Variants in ATF7 observed in about 807,000 individuals in gnomAD.
ATF7 encodes activating transcription factor 7, also known as cyclic AMP-dependent transcription factor ATF-7.
In ATF7, 10 loss-of-function variants were observed where a neutral mutation model predicts 50.4. That is an observed-to-expected ratio of 0.20 (90% CI 0.12 to 0.34). The LOEUF is 0.34. Ranked by LOEUF, ATF7 falls within the 10% of genes least tolerant of loss-of-function variation. The pLI, the probability that ATF7 is intolerant of heterozygous loss-of-function variation, is 1.00. For missense variants in ATF7, 465 were observed against 613.9 expected (o/e 0.76, Z 2.56); for synonymous variants, 201 against 226.4 (o/e 0.89, Z 1.01).
chr12:53,610,379 A>C (rs1397461387), intron 1 of ATF7, among the ~76,000 whole-genome samples: 1 of 151,864 alleles, frequency 6.6e-6, no homozygotes, highest in African/African-American at 2.4e-5. Context: ...AGTCTGGCTA[A>C]CATGGTGAAA....
Position 53,618,380 on chromosome 12 carries a change from T to C in ATF7, c.-22+7899A>G, listed in dbSNP as rs115195706. On this transcript the variant is annotated intron_variant, in intron 1 of 11. Transcript: ENST00000420353. ...GAAGGTATCAAAAGAAAATGCATTG[T>C]TTCCCTGCCTAGTAGCATGCTAATT... Among the ~76,000 whole-genome samples, 685 of 152,314 alleles carry C rather than the reference T, an allele frequency of 4.5e-3. 4 individuals carry two copies. Among genetic ancestry groups the C allele is most frequent in the African/African-American group, 0.015 (643 of 41,564 alleles).
intron 4 of ATF7, 102 bp downstream of exon 4, chr12:53,543,228 T>C: frequency 6.4e-7 from 1 of 1,550,906 alleles, no homozygotes; most frequent in Non-Finnish European, 8.7e-7. Flanking sequence ...ACTAAGCCCA[T>C]GATTTTGTGT....
rs1374407068 is a variant in ATF7 at position 53,600,967 on chromosome 12, G to C, written c.34C>G (p.Pro12Ala). 6.2e-6 allele frequency: 10 copies of C among 1,613,318 alleles called. No individual in the cohort carries two copies. The highest frequency in any genetic ancestry group is 1.3e-5 in the African/African-American group (1 of 74,840). ...GDDRPFVCNA[P>A]GCGQRFTNED... ...TGTAAACGTACCTGTCCACAGCCCG[G>C]GGCATTGCACACAAACGGTCTGTCG... is the stretch of plus-strand genomic sequence containing the variant. The change falls in exon 2 of 12, where the codon CCG becomes GCG. Residue 12 changes from proline to alanine, a missense_variant. By Grantham distance (27) the Pro-to-Ala change is conservative (BLOSUM62 -1). Transcript: ENST00000420353.
At chr12:53,620,066 T>C (rs1205763506) in intron 1 of ATF7, among the ~76,000 whole-genome samples, 1 of 151,924 alleles carries the variant, frequency 6.6e-6, no homozygotes, top group Non-Finnish European at 1.5e-5. Context: ...GGCTTGAGCC[T>C]GGGAGACTGA....
At chr12:53,527,238 C>T (rs771913937) in intron 9 of ATF7, among the ~76,000 whole-genome samples, 1 of 152,124 alleles carries the variant, frequency 6.6e-6, no homozygotes, top group Non-Finnish European at 1.5e-5. Context: ...AATCCCAGCA[C>T]TTTGGGAGGC....
chr12:53,593,427 T>C (rs1331392176), intron 2 of ATF7, among the ~76,000 whole-genome samples: 1 of 152,164 alleles, frequency 6.6e-6, no homozygotes, highest in Non-Finnish European at 1.5e-5. Flanking sequence ...TGTGTTTAAG[T>C]CACTGGCACA....
intron 1 of ATF7, among the ~76,000 whole-genome samples, chr12:53,602,707 G>C (rs1565590679): frequency 6.6e-6 from 1 of 152,220 alleles, no homozygotes; most frequent in Non-Finnish European, 1.5e-5. Context: ...GGAGAGGCCA[G>C]CTCAAGCTGA....
intron 1 of ATF7, among the ~76,000 whole-genome samples, chr12:53,617,023 T>C (rs941344098): frequency 6.6e-6 from 1 of 151,708 alleles, no homozygotes; most frequent in African/African-American, 2.4e-5. Flanking sequence ...TGTAAACTTA[T>C]GTATTATTTC....
At chr12:53,564,100 A>AT (rs1271672148) in intron 2 of ATF7, among the ~76,000 whole-genome samples, 1 of 152,188 alleles carries the variant, frequency 6.6e-6, no homozygotes, top group Non-Finnish European at 1.5e-5. Context: ...GTGAGGCCAG[A>AT]TACAGTGGCT....
chr12:53,596,253 T>C (rs1943150981), intron 2 of ATF7, among the ~76,000 whole-genome samples: 1 of 152,054 alleles, frequency 6.6e-6, no homozygotes, highest in Non-Finnish European at 1.5e-5. Flanking sequence ...TGAGCCGAGA[T>C]CGCGCCACTG....
At chr12:53,596,222 C>T (rs1405292615) in intron 2 of ATF7, among the ~76,000 whole-genome samples, 1 of 152,126 alleles carries the variant, frequency 6.6e-6, no homozygotes, top group Non-Finnish European at 1.5e-5. Context: ...ATCACTTGAA[C>T]CCAGGAGGTA....
intron 2 of ATF7, among the ~76,000 whole-genome samples, chr12:53,553,967 A>C (rs1592855477): frequency 6.6e-6 from 1 of 152,146 alleles, no homozygotes; most frequent in African/African-American, 2.4e-5. Context: ...TTTACAACTA[A>C]AGCCAATTTA....
Position 53,523,298 on chromosome 12 carries a change from C to T in ATF7, c.1212G>A (p.Gln404=), listed in dbSNP as rs996658822. The change falls in exon 11 of 12, where the codon CAG becomes CAA. Residue 404 remains glutamine, a synonymous_variant. Coordinates refer to ENST00000420353, the MANE Select transcript of ATF7 (RefSeq NM_006856.3). ...CACCTAAATAGCCTTGAGTCTTTTT[C>T]TGTAGTGCAGTGACTGGGCAGTCTT... is the stretch of plus-strand genomic sequence containing the variant. ...AHKDCPVTAL[Q]KKTQGYLESP... 2 of 1,613,394 alleles carry T rather than the reference C, an allele frequency of 1.2e-6. No individual in the cohort carries two copies. The highest frequency in any genetic ancestry group is 1.7e-5 in the Admixed American group (1 of 60,000).
chr12:53,545,450 C>T (rs1939838790), intron 3 of ATF7, among the ~76,000 whole-genome samples: 1 of 152,124 alleles, frequency 6.6e-6, no homozygotes, highest in Non-Finnish European at 1.5e-5. Context: ...GATTCTCCTG[C>T]CTCAGCCTCC....
At chr12:53,569,944 A>G (rs1006898122) in intron 2 of ATF7, among the ~76,000 whole-genome samples, 1 of 152,106 alleles carries the variant, frequency 6.6e-6, no homozygotes, top group African/African-American at 2.4e-5. Context: ...CCCAAAGTGC[A>G]GGGATTACAG....
rs920827926 is a variant in ATF7, at chr12:53,515,723, C to G, written c.*1414G>C. 1.3e-5 allele frequency: 2 copies of G among 152,244 alleles called. No homozygotes were observed. The highest frequency in any genetic ancestry group is 4.8e-5 in the African/African-American group (2 of 41,458). The allele number at this position is 152,244 out of a possible 1,614,324, so 9.4% of individuals were successfully genotyped here. Reference sequence around the variant, plus strand: ...TTTGCTGGGACCAGTTCTGCACTTTCCCTCTCCTCTTCCTCCCTCCTTTCA... The same window carrying G: ...TTTGCTGGGACCAGTTCTGCACTTTGCCTCTCCTCTTCCTCCCTCCTTTCA... On this transcript the variant is annotated 3_prime_UTR_variant, in exon 12 of 12. Transcript: ENST00000420353.
chr12:53,538,149 A>T (rs12582512), intron 4 of ATF7, among the ~76,000 whole-genome samples: 9 of 152,100 alleles, frequency 5.9e-5, no homozygotes, highest in Non-Finnish European at 1.3e-4. Flanking sequence ...ATTTATAAAG[A>T]CCTGAAAAAA....
In ATF7 at chr12:53,532,581, G is replaced by A. The variant is rs377621370; in HGVS notation, c.703C>T (p.Pro235Ser). ...CCACTACTGTTAACTGGTGGGCCAG[G>A]GATACCAGGAATGTTGGGCACCATG... ...VSMVPNIPGI[P>S]GPPVNSSGSI... The change falls in exon 8 of 12, where the codon CCT becomes TCT. Residue 235 changes from proline (P) to serine (S), a missense_variant. By Grantham distance (74) the Pro-to-Ser change is moderately conservative (BLOSUM62 -1). Coordinates refer to ENST00000420353, the MANE Select transcript of ATF7 (RefSeq NM_006856.3). 9 of 1,609,798 alleles carry A rather than the reference G, an allele frequency of 5.6e-6. No homozygotes were observed. The highest frequency in any genetic ancestry group is 3.4e-5 in the Admixed American group (2 of 59,308).
chr12:53,595,112 G>T (rs1334585985), intron 2 of ATF7, among the ~76,000 whole-genome samples: 1 of 152,046 alleles, frequency 6.6e-6, no homozygotes. Flanking sequence ...TTACCAGATG[G>T]GAACTAGATG....
Sources: gnomAD v4.1 joint callset for allele counts (sites outside exome capture counted in the v4.1 genomes callset) on GRCh38, gnomAD v4.1.1 for gene constraint, MANE v1.5 for transcripts, NCBI Gene and HGNC (gene_info 2026-07-23, HGNC 2026-07-21) for gene names.